Variants in RMND1 observed in about 807,000 individuals in gnomAD.
RMND1 encodes required for meiotic nuclear division 1 homolog, also known as required for meiotic nuclear division protein 1 homolog.
Under a neutral mutation model 54.0 loss-of-function variants are expected in RMND1, and 41 were observed. The observed-to-expected ratio is 0.76, with a 90% CI of 0.59 to 0.98. RMND1 has a LOEUF of 0.98. Ranked by LOEUF, RMND1 falls within the 50% of genes least tolerant of loss-of-function variation. The pLI is 0.00. For missense variants in RMND1, 457 were observed against 532.0 expected (o/e 0.86, Z 1.39); for synonymous variants, 183 against 181.7 (o/e 1.01, Z -0.06).
At chr6:151,410,204 G>A (rs562561480) in intron 10 of RMND1, among the ~76,000 whole-genome samples, 152 of 151,894 alleles carry the variant, frequency 1.0e-3, no homozygotes, top group South Asian at 3.3e-3. Context: ...ACAGACGCCC[G>A]CCACCACGCC....
intron 1 of RMND1, among the ~76,000 whole-genome samples, chr6:151,447,507 T>G (rs1780990977): frequency 6.6e-6 from 1 of 152,134 alleles, no homozygotes; most frequent in Non-Finnish European, 1.5e-5. Context: ...GTAACTAAAA[T>G]AAAACCCAGG....
intron 10 of RMND1, among the ~76,000 whole-genome samples, chr6:151,410,971 T>C (rs990359294): frequency 1.3e-5 from 2 of 152,136 alleles, no homozygotes; most frequent in Non-Finnish European, 2.9e-5. Context: ...TTATTAATTA[T>C]TTTTTTGGAG....
intron 3 of RMND1, chr6:151,436,112 C>CAAAAA: frequency 5.8e-6 from 1 of 173,072 alleles, no homozygotes; most frequent in Non-Finnish European, 1.2e-5. Context: ...TCCCAAAAAA[C>CAAAAA]AAAAAAAAAA....
intron 10 of RMND1, among the ~76,000 whole-genome samples, chr6:151,406,954 G>C (rs1779646002): frequency 6.6e-6 from 1 of 152,082 alleles, no homozygotes. Context: ...GAGCTCAGGA[G>C]TTGGAGACCA....
intron 2 of RMND1, among the ~76,000 whole-genome samples, chr6:151,440,034 G>T (rs1780731532): frequency 6.6e-6 from 1 of 151,974 alleles, no homozygotes; most frequent in African/African-American, 2.4e-5. Flanking sequence ...TCAGCTCACT[G>T]CAACCTCTAC....
intron 1 of RMND1, among the ~76,000 whole-genome samples, chr6:151,450,385 C>A (rs1270636360): frequency 6.9e-6 from 1 of 145,582 alleles, no homozygotes; most frequent in African/African-American, 2.7e-5. Context: ...AGGCCAGCCA[C>A]CCCATCCGGG....
chr6:151,444,929 G>A, intron 2 of RMND1: 1 of 168,476 alleles, frequency 5.9e-6, no homozygotes, highest in Non-Finnish European at 1.3e-5. Flanking sequence ...TTATCTGTCT[G>A]CAGAGTTACA....
chr6:151,421,338 C>A lies in RMND1; in HGVS notation c.1003-17G>T, dbSNP rs200241647. The A allele has an allele frequency of 2.8e-5, 44 of 1,584,066 alleles. No individual in the cohort carries two copies. The African/African-American group carries it at 5.6e-4, about 20-fold the overall frequency. ...TTTTAAAGCCTAGTTGAGAGGGAAT[C>A]GGAAAAACCAAAAAACCATGTATCT... On this transcript the variant is annotated splice_polypyrimidine_tract_variant and intron_variant, in intron 8 of 11. Transcript: ENST00000444024.
rs187577410 is a variant in RMND1, at chr6:151,440,913, T to C, written c.505-4359A>G. On this transcript the variant is annotated intron_variant, in intron 2 of 11. Coordinates refer to ENST00000444024, the MANE Select transcript of RMND1 (RefSeq NM_017909.4). ...TCTGGATTTTTACAGTGAATCCTTA[T>C]TAAGCATTAGCTACATATATATGTA... Among the ~76,000 whole-genome samples the C allele has an allele frequency of 4.4e-3, 674 of 152,300 alleles. 1 individual carries two copies. Among genetic ancestry groups the C allele is most frequent in the Middle Eastern group, 0.027 (8 of 294 alleles).
Position 151,443,721 on chromosome 6 carries a change from T to C in RMND1, c.504+1587A>G, listed in dbSNP as rs150215241. Among the ~76,000 whole-genome samples the C allele has an allele frequency of 5.4e-4, 83 of 152,352 alleles. No homozygotes were observed. In the East Asian group the frequency reaches 0.015, roughly 27 times the overall value. The stretch of plus-strand genomic sequence containing the variant: ...CTATCATGTTACATAATGTCTCCTA[T>C]AACAGAATCCATGAAATAACTAACT... On this transcript the variant is annotated intron_variant, in intron 2 of 11. Coordinates refer to ENST00000444024, the MANE Select transcript of RMND1 (RefSeq NM_017909.4).
Position 151,405,236 on chromosome 6 carries a change from C to G in RMND1, c.1349G>C (p.Ter450SerextTer31), listed in dbSNP as rs115079861. Reference sequence around the variant, plus strand: ...AGTGACACTTTGGTTATCACTTGATCAGAAAAATACTCGTCCCAGCTCAAA... The same window carrying G: ...AGTGACACTTTGGTTATCACTTGATGAGAAAAATACTCGTCCCAGCTCAAA... ...VMFELGRVFF[*>S] The change falls in exon 12 of 12, where the codon TGA becomes TCA. Residue 450 changes from the stop codon to serine, a stop_lost. Transcript: ENST00000444024. 21 of 1,612,142 alleles carry G rather than the reference C, an allele frequency of 1.3e-5. No individual in the cohort carries two copies. The South Asian group carries it at 2.3e-4, about 18-fold the overall frequency.
chr6:151,428,376 G>A (rs914984177), intron 5 of RMND1, among the ~76,000 whole-genome samples: 4 of 152,142 alleles, frequency 2.6e-5, no homozygotes, highest in Non-Finnish European at 4.4e-5. Context: ...CAGACGAACT[G>A]CAATTTATTT....
intron 10 of RMND1, among the ~76,000 whole-genome samples, chr6:151,410,580 T>C (rs574398686): frequency 6.6e-6 from 1 of 152,204 alleles, no homozygotes; most frequent in South Asian, 2.1e-4. Context: ...TAGGTATGCT[T>C]CATAACTCAT....
At chr6:151,422,767 A>C (rs1289119104) in intron 7 of RMND1, among the ~76,000 whole-genome samples, 162 bp from the exon 8 acceptor site, 1 of 152,228 alleles carries the variant, frequency 6.6e-6, no homozygotes, top group Non-Finnish European at 1.5e-5. Context: ...ATCATAAAGG[A>C]CAGAATTAAA....
chr6:151,425,398 T>C (rs1780264919), intron 6 of RMND1, among the ~76,000 whole-genome samples: 1 of 151,784 alleles, frequency 6.6e-6, no homozygotes, highest in Non-Finnish European at 1.5e-5. Flanking sequence ...GCACTGAGGA[T>C]TTTACTCCTC....
intron 10 of RMND1, among the ~76,000 whole-genome samples, chr6:151,414,617 C>A (rs1779947058): frequency 6.6e-6 from 1 of 152,028 alleles, no homozygotes. Flanking sequence ...AATAAAAAAA[C>A]ATGGAAATTT....
chr6:151,436,866 T>C (rs917744896), intron 2 of RMND1: 8 of 198,890 alleles, frequency 4.0e-5, no homozygotes, highest in East Asian at 1.1e-4. Flanking sequence ...ATAGAGATGA[T>C]TAAGGCATCA....
chr6:151,438,956 A>G (rs1194626956), intron 2 of RMND1, among the ~76,000 whole-genome samples: 1 of 152,168 alleles, frequency 6.6e-6, no homozygotes, highest in African/African-American at 2.4e-5. Flanking sequence ...TCTATTAAAA[A>G]TACAAAAATT....
At chr6:151,450,652 T>G in intron 1 of RMND1, among the ~76,000 whole-genome samples, 1 of 148,314 alleles carries the variant, frequency 6.7e-6, no homozygotes, top group Non-Finnish European at 1.5e-5. Context: ...CCGCCCCTAC[T>G]GGGATGTGAG....
Sources: allele counts gnomAD v4.1 joint callset (sites outside exome capture counted in the v4.1 genomes callset), GRCh38; gene constraint gnomAD v4.1.1; transcripts MANE v1.5; gene names NCBI Gene and HGNC (gene_info 2026-07-23, HGNC 2026-07-21).